The following SCTR variants were observed in gnomAD, a reference collection of about 807,000 sequenced individuals.
The protein encoded by SCTR is secretin receptor, also known as pancreatic secretin receptor.
Under a neutral mutation model 60.8 loss-of-function variants are expected in SCTR, and 56 were observed. The observed-to-expected ratio is 0.92, with a 90% CI of 0.74 to 1.15. SCTR has a LOEUF of 1.15. Ranked by LOEUF, SCTR falls within the 50% of genes most tolerant of loss-of-function variation. The pLI is 0.00. For synonymous variants in SCTR, 202 were observed against 217.0 expected (o/e 0.93, Z 0.61); for missense variants, 562 against 550.4 (o/e 1.02, Z -0.21).
chr2:119,446,170 A>C (rs888789130), intron 11 of SCTR, among the ~76,000 whole-genome samples: 22 of 152,222 alleles, frequency 1.4e-4, no homozygotes, highest in African/African-American at 5.1e-4. Context: ...TTGCATATGC[A>C]CATGGTTTCA....
At chr2:119,503,869 G>C (rs1298214026) in intron 1 of SCTR, among the ~76,000 whole-genome samples, 4 of 152,102 alleles carry the variant, frequency 2.6e-5, no homozygotes, top group Admixed American at 6.5e-5. Flanking sequence ...ATGTTAATAG[G>C]GAAAACTGGA....
At chr2:119,453,416 G>A (rs1683250947) in intron 7 of SCTR, 69 bp from the exon 8 acceptor site, 3 of 1,248,002 alleles carry the variant, frequency 2.4e-6, no homozygotes, top group Admixed American at 1.8e-5. Context: ...TATCAGAACA[G>A]GACAATTGGT....
intron 3 of SCTR, 41 bp from the exon 4 acceptor site, chr2:119,473,597 G>A: frequency 8.2e-7 from 1 of 1,217,006 alleles, no homozygotes; most frequent in Non-Finnish European, 1.2e-6. Context: ...CATGGGCCCA[G>A]GCACTGTGAT....
At chr2:119,441,809 T>C in intron 11 of SCTR, 1 of 555,652 alleles carries the variant, frequency 1.8e-6, no homozygotes, top group Non-Finnish European at 3.3e-6. Context: ...AACTGTGAAC[T>C]CCTTGCAGCC....
At chr2:119,470,727 G>A (rs1231076651) in intron 4 of SCTR, among the ~76,000 whole-genome samples, 1 of 152,172 alleles carries the variant, frequency 6.6e-6, no homozygotes, top group Non-Finnish European at 1.5e-5. Context: ...TGGGGGCAGA[G>A]TCTCGCTCTG....
chr2:119,441,549 A>G lies in SCTR; in HGVS notation c.1182+9T>C. On this transcript the variant is annotated intron_variant, in intron 12 of 12. Coordinates refer to ENST00000019103, the MANE Select transcript of SCTR (RefSeq NM_002980.3). ...CTCCTGGGTACCTGGGTGACCCAAG[A>G]CTACTCACCTCCCCATTGAGGAAGC... 1 of 1,609,648 alleles carries G rather than the reference A, an allele frequency of 6.2e-7. No individual in the cohort carries two copies. The highest frequency in any genetic ancestry group is 8.5e-7 in the Non-Finnish European group (1 of 1,176,688).
At chr2:119,512,225 A>G (rs1050198442) in intron 1 of SCTR, among the ~76,000 whole-genome samples, 1 of 151,972 alleles carries the variant, frequency 6.6e-6, no homozygotes, top group African/African-American at 2.4e-5. Context: ...AGAGTATCGG[A>G]CGAGGTGCAC....
Position 119,446,865 on chromosome 2 carries a change from A to C in SCTR, c.1034T>G (p.Leu345Arg). Residue 345 changes from leucine (L) to arginine (R), a missense_variant, in exon 11 of 13, where the codon CTC becomes CGC. Physicochemically the swap from Leu to Arg is moderately radical, Grantham distance 102. Coordinates refer to ENST00000019103, the MANE Select transcript of SCTR (RefSeq NM_002980.3). ...GATGCCAAAGAGGGGGATCAGCAGG[A>C]GAGTGGACCTGGCCAGGCGCCTGGG... is the stretch of plus-strand genomic sequence containing the variant. ...SHYKRLARST[L>R]LLIPLFGIHY... The C allele has an allele frequency of 1.3e-6, 2 of 1,563,180 alleles. No individual in the cohort carries two copies. Among genetic ancestry groups the C allele is most frequent in the Non-Finnish European group, 1.7e-6 (2 of 1,153,352 alleles).
chr2:119,522,055 G>A (rs1425197226), intron 1 of SCTR, among the ~76,000 whole-genome samples: 1 of 152,228 alleles, frequency 6.6e-6, no homozygotes, highest in Non-Finnish European at 1.5e-5. Flanking sequence ...AGCACTTTGG[G>A]AGGCCGAGGC....
At chr2:119,461,462 A>T (rs1683598785) in intron 7 of SCTR, among the ~76,000 whole-genome samples, 1 of 152,228 alleles carries the variant, frequency 6.6e-6, no homozygotes, top group South Asian at 2.1e-4. Flanking sequence ...CTGTAATCCC[A>T]TCACTTTGGG....
At chr2:119,464,289 G>C in intron 5 of SCTR, 34 bp from the exon 6 acceptor site, 1 of 1,613,306 alleles carries the variant, frequency 6.2e-7, no homozygotes, top group Non-Finnish European at 8.5e-7. Context: ...ATAGAGGCCA[G>C]AGCCTGAGGG....
chr2:119,450,430 C>G lies in SCTR; in HGVS notation c.921+1580G>C, dbSNP rs1346939491. Among the ~76,000 whole-genome samples the G allele has an allele frequency of 2.0e-5, 3 of 152,024 alleles. No homozygotes were observed. The East Asian group carries it at 5.8e-4, about 29-fold the overall frequency. On this transcript the variant is annotated intron_variant, in intron 9 of 12. Coordinates refer to ENST00000019103, the MANE Select transcript of SCTR (RefSeq NM_002980.3). ...GGGCTTGCTTAACTAAATGAGGAAA[C>G]AGCCTCCAGCATGATATTATGAAGC... is the stretch of plus-strand genomic sequence containing the variant.
chr2:119,457,270 TTAA>T (rs1175221600), intron 7 of SCTR, among the ~76,000 whole-genome samples: 1 of 152,120 alleles, frequency 6.6e-6, no homozygotes, highest in Non-Finnish European at 1.5e-5. Flanking sequence ...AAATAAAAAG[TTAA>T]TAAGATTGAA....
chr2:119,509,782 T>G (rs893265260), intron 1 of SCTR, among the ~76,000 whole-genome samples: 1 of 152,178 alleles, frequency 6.6e-6, no homozygotes, highest in Non-Finnish European at 1.5e-5. Context: ...ACAGAAGCTC[T>G]GAACTCATCA....
rs572213514 is a variant in SCTR at position 119,482,223 on chromosome 2, G to A, written c.194-3305C>T. Among the ~76,000 whole-genome samples, 12 of 152,262 alleles carry A rather than the reference G, an allele frequency of 7.9e-5. No homozygotes were observed. In the South Asian group the frequency reaches 2.5e-3, roughly 32 times the overall value. ...GGGGTAGGGAACGGTAGGGTGGGCC[G>A]GGCCAGGGCCTGGGTTAGGGGGGAT... is the stretch of plus-strand genomic sequence containing the variant. On this transcript the variant is annotated intron_variant, in intron 2 of 12. Transcript: ENST00000019103.
At position 119,524,386 on chromosome 2, in the gene SCTR, T is replaced by C; in HGVS notation, c.-160A>G. 1 of 439,430 alleles carries C rather than the reference T, an allele frequency of 2.3e-6. No individual in the cohort carries two copies. The highest frequency in any genetic ancestry group is 3.9e-6 in the Non-Finnish European group (1 of 258,800). The allele number at this position is 439,430 out of a possible 1,614,324, so 27.2% of individuals were successfully genotyped here. A position where few individuals can be genotyped will look rare whatever the true frequency, so the allele number is the denominator to read the frequency against. Reference sequence around the variant, plus strand: ...CCCGACCTGCGGCGGGCCCCGGGACTGCTCCTCCTCGGACCAGGTGGCCGC... The same window carrying C: ...CCCGACCTGCGGCGGGCCCCGGGACCGCTCCTCCTCGGACCAGGTGGCCGC... On this transcript the variant is annotated 5_prime_UTR_variant, in exon 1 of 13. Transcript: ENST00000019103.
intron 3 of SCTR, among the ~76,000 whole-genome samples, chr2:119,478,440 G>A (rs890694678): frequency 3.9e-5 from 6 of 152,278 alleles, no homozygotes; most frequent in Non-Finnish European, 5.9e-5. Context: ...CCATTAGGGA[G>A]CCTGCCACTA....
At chr2:119,475,602 G>A (rs1238763803) in intron 3 of SCTR, among the ~76,000 whole-genome samples, 2 of 58,206 alleles carry the variant, frequency 3.4e-5, no homozygotes, top group South Asian at 8.8e-4. Flanking sequence ...GGATGTTTGT[G>A]CATATATATA....
At chr2:119,517,992 A>C in intron 1 of SCTR, among the ~76,000 whole-genome samples, 1 of 152,178 alleles carries the variant, frequency 6.6e-6, no homozygotes, top group Non-Finnish European at 1.5e-5. Context: ...GTGTCCTTAC[A>C]AGAAGAAATA....
Sources: allele counts gnomAD v4.1 joint callset (sites outside exome capture counted in the v4.1 genomes callset), GRCh38; gene constraint gnomAD v4.1.1; transcripts MANE v1.5; gene names NCBI Gene and HGNC (gene_info 2026-07-23, HGNC 2026-07-21).